The following ZNF250 variants were observed in gnomAD, a reference collection of about 807,000 sequenced individuals.
The protein encoded by ZNF250 is zinc finger protein (clone 647).
A neutral mutation model predicts 37.1 loss-of-function variants in ZNF250; 13 were observed. The ratio of observed to expected loss-of-function variants is 0.35; its 90% CI spans 0.23 to 0.56. The LOEUF is 0.56. Ranked by LOEUF, ZNF250 falls within the 20% of genes least tolerant of loss-of-function variation. The probability of loss-of-function intolerance (pLI) is 0.87; values close to 1 mark genes in which losing one functional copy is unlikely to be tolerated. For synonymous variants in ZNF250, 251 were observed against 265.6 expected (o/e 0.94, Z 0.54); for missense variants, 474 against 697.9 (o/e 0.68, Z 3.61).
chr8:144,886,353 C>T (rs1429582423), intron 5 of ZNF250, among the ~76,000 whole-genome samples: 1 of 152,042 alleles, frequency 6.6e-6, no homozygotes, highest in Non-Finnish European at 1.5e-5. Context: ...ACACACTAAA[C>T]TAACTGCATA....
At chr8:144,888,906 C>T (rs527627933) in intron 4 of ZNF250, among the ~76,000 whole-genome samples, 1 of 152,174 alleles carries the variant, frequency 6.6e-6, no homozygotes, top group East Asian at 2.0e-4. Context: ...GTAGCTGGGA[C>T]TACAGGTGCA....
At chr8:144,893,618 A>G (rs973405296) in intron 1 of ZNF250, among the ~76,000 whole-genome samples, 1 of 152,160 alleles carries the variant, frequency 6.6e-6, no homozygotes, top group Non-Finnish European at 1.5e-5. Flanking sequence ...GGCTTGAGTC[A>G]CTGCGCCTAG....
intron 1 of ZNF250, among the ~76,000 whole-genome samples, chr8:144,892,681 A>G (rs1832428179): frequency 6.6e-6 from 1 of 152,008 alleles, no homozygotes; most frequent in African/African-American, 2.4e-5. Flanking sequence ...CAGCCTCCCA[A>G]GTAGCTGGGA....
At position 144,876,969 on chromosome 8, in the gene ZNF250, T is replaced by A. The variant is rs1253011486; in HGVS notation, c.*4546A>T. 6 of 152,256 alleles carry A rather than the reference T, an allele frequency of 3.9e-5. No homozygotes were observed. The highest frequency in any genetic ancestry group is 1.3e-4 in the Admixed American group (2 of 15,282). The allele number at this position is 152,256 out of a possible 1,614,324, so 9.4% of individuals were successfully genotyped here. ...GCAAATACTTGTTCCAGTCATTACT[T>A]TTTTATTGGAAAGCGTCAGATTATA... On this transcript the variant is annotated 3_prime_UTR_variant, in exon 6 of 6. Coordinates refer to ENST00000417550, the MANE Select transcript of ZNF250 (RefSeq NM_001109689.4).
intron 3 of ZNF250, 64 bp from the exon 4 acceptor site, chr8:144,889,758 G>A (rs1041058644): frequency 1.5e-5 from 23 of 1,531,764 alleles, no homozygotes; most frequent in Non-Finnish European, 1.9e-5. Context: ...CCCTGCCCAA[G>A]CCACTTGTGG....
chr8:144,884,301 G>A (rs980908131), intron 5 of ZNF250, among the ~76,000 whole-genome samples: 1 of 152,176 alleles, frequency 6.6e-6, no homozygotes, highest in Non-Finnish European at 1.5e-5. Context: ...GCCCAGGCTG[G>A]AGTGCAATGG....
In ZNF250 at chr8:144,877,886, T is replaced by C. The variant is rs547203018; in HGVS notation, c.*3629A>G. The stretch of plus-strand genomic sequence containing the variant: ...ATACACAGTCTTTCTAAACAAATGT[T>C]CCTGTATATTGAATTTAATTATTCT... On this transcript the variant is annotated 3_prime_UTR_variant, in exon 6 of 6. Coordinates refer to ENST00000417550, the MANE Select transcript of ZNF250 (RefSeq NM_001109689.4). 1 of 152,350 alleles carries C rather than the reference T, an allele frequency of 6.6e-6. No homozygotes were observed. The highest frequency in any genetic ancestry group is 6.5e-5 in the Admixed American group (1 of 15,296). 9.4% of individuals were successfully genotyped at this position (152,350 alleles called of 1,614,324 possible).
intron 4 of ZNF250, among the ~76,000 whole-genome samples, chr8:144,889,015 G>A (rs571287600): frequency 3.9e-5 from 6 of 152,228 alleles, no homozygotes; most frequent in South Asian, 2.1e-4. Context: ...TGATCCACCC[G>A]CCTCAGTCTC....
intron 1 of ZNF250, among the ~76,000 whole-genome samples, chr8:144,896,308 C>T (rs1215775820): frequency 6.6e-6 from 1 of 151,830 alleles, no homozygotes; most frequent in East Asian, 1.9e-4. Context: ...AACTGCACCA[C>T]TACACTCCAC....
In ZNF250 at chr8:144,879,138, TTAACAC is replaced by T. The variant is rs1376415328; in HGVS notation, c.*2371_*2376del. 1 of 152,232 alleles carries T rather than the reference TTAACAC, an allele frequency of 6.6e-6. No homozygotes were observed. Among genetic ancestry groups the T allele is most frequent in the Non-Finnish European group, 1.5e-5 (1 of 68,054 alleles). 9.4% of individuals were successfully genotyped at this position (152,232 alleles called of 1,614,324 possible). On this transcript the variant is annotated 3_prime_UTR_variant, in exon 6 of 6. Transcript: ENST00000417550. Reference sequence around the variant, plus strand: ...TCACAGAATGGCAACACCTCTAAGGTTAACACCTTGGTTATCTGAGCTATCTGAGGT... The same window carrying T: ...TCACAGAATGGCAACACCTCTAAGGTCTTGGTTATCTGAGCTATCTGAGGT...
chr8:144,881,423 T>C lies in ZNF250; in HGVS notation c.*92A>G. 6.8e-7 allele frequency: 1 copy of C among 1,462,672 alleles called. No homozygotes were observed. The highest frequency in any genetic ancestry group is 9.1e-7 in the Non-Finnish European group (1 of 1,104,622). 90.6% of individuals were successfully genotyped at this position (1,462,672 alleles called of 1,614,324 possible). Reference sequence around the variant, plus strand: ...ACTGAATCGCCAAAGAAAAGCTTCCTATAGAGTTAACAGAGACTTCTCTTG... The same window carrying C: ...ACTGAATCGCCAAAGAAAAGCTTCCCATAGAGTTAACAGAGACTTCTCTTG... On this transcript the variant is annotated 3_prime_UTR_variant, in exon 6 of 6. Coordinates refer to ENST00000417550, the MANE Select transcript of ZNF250 (RefSeq NM_001109689.4).
Position 144,890,277 on chromosome 8 carries a change from G to C in ZNF250, c.42+31C>G. The C allele has an allele frequency of 6.4e-7, 1 of 1,551,850 alleles. No homozygotes were observed. The highest frequency in any genetic ancestry group is 8.7e-7 in the Non-Finnish European group (1 of 1,143,342). ...GAAGGAACCACAGGGCTCGGGCTGG[G>C]GGCACTGCATAAGCACTGGGGACAG... is the stretch of plus-strand genomic sequence containing the variant. On this transcript the variant is annotated intron_variant, in intron 2 of 5. Coordinates refer to ENST00000417550, the MANE Select transcript of ZNF250 (RefSeq NM_001109689.4). This position sits in a 1 kb window ranked among gnomAD's most constrained non-coding sequence, Gnocchi z 5.1.
intron 1 of ZNF250, among the ~76,000 whole-genome samples, chr8:144,899,998 C>G (rs1447908316): frequency 6.6e-6 from 1 of 152,098 alleles, no homozygotes; most frequent in Non-Finnish European, 1.5e-5. Flanking sequence ...TGAAAAAGCC[C>G]AAACCAGAAT....
At chr8:144,889,460 G>T in intron 4 of ZNF250, 121 bp downstream of exon 4, 1 of 718,602 alleles carries the variant, frequency 1.4e-6, no homozygotes, top group Non-Finnish European at 2.3e-6. Flanking sequence ...GATAAGGCCA[G>T]ATAAGGTTTT....
At position 144,882,517 on chromosome 8, in the gene ZNF250, A is replaced by G; in HGVS notation, c.666T>C (p.Tyr222=). 1 of 1,614,134 alleles carries G rather than the reference A, an allele frequency of 6.2e-7. No individual in the cohort carries two copies. Among genetic ancestry groups the G allele is most frequent in the Non-Finnish European group, 8.5e-7 (1 of 1,180,014 alleles). Reference sequence around the variant, plus strand: ...AGGCCTTCCCACATACACTGCACACATAGGGCTTCTCTCCAGTGTGGATAC... The same window carrying G: ...AGGCCTTCCCACATACACTGCACACGTAGGGCTTCTCTCCAGTGTGGATAC... ...HQRIHTGEKP[Y]VCSVCGKAFS... Residue 222 remains tyrosine, a synonymous_variant, in exon 6 of 6, where the codon TAT becomes TAC. Transcript: ENST00000417550. This position sits in a 1 kb window ranked among gnomAD's most constrained non-coding sequence, Gnocchi z 5.5.
chr8:144,900,687 G>A (rs575071500), intron 1 of ZNF250, among the ~76,000 whole-genome samples: 46 of 152,252 alleles, frequency 3.0e-4, no homozygotes, highest in African/African-American at 1.0e-3. Context: ...AGCAAAATGG[G>A]GAGAGGATAA....
At position 144,889,652 on chromosome 8, in the gene ZNF250, C is replaced by T. The variant is rs746196076; in HGVS notation, c.212G>A (p.Arg71Gln). The T allele has an allele frequency of 2.0e-5, 32 of 1,613,878 alleles. No homozygotes were observed. Among genetic ancestry groups the T allele is most frequent in the South Asian group, 1.1e-5 (1 of 91,092 alleles). The stretch of plus-strand genomic sequence containing the variant: ...GTCCAGGACCCAGGGATCTTCCCCT[C>T]GCTCCAGCTGGGAGATTATGTCAGG... ...SKPDIISQLE[R>Q]GEDPWVLDRK... Residue 71 changes from arginine to glutamine, a missense_variant, in exon 4 of 6, where the codon CGA becomes CAA. This residue lies in a region of ZNF250 where 192 missense variants were observed against 227.5 expected (regional missense o/e 0.84). Coordinates refer to ENST00000417550, the MANE Select transcript of ZNF250 (RefSeq NM_001109689.4).
upstream of ZNF250, chr8:144,901,693 C>T (rs1296607831): frequency 6.6e-6 from 1 of 152,250 alleles, no homozygotes; most frequent in African/African-American, 2.4e-5. The surrounding 1 kb of genome is among the most constrained non-coding windows in gnomAD (Gnocchi z 5.4). Flanking sequence ...TGGGCCCGGC[C>T]GGCTCCCCGG....
intron 5 of ZNF250, 40 bp downstream of exon 5, chr8:144,886,800 A>C: frequency 6.3e-7 from 1 of 1,582,148 alleles, no homozygotes; most frequent in Non-Finnish European, 8.7e-7. Flanking sequence ...TAACACCTTC[A>C]GAGATTGTAC....
Sources: allele counts gnomAD v4.1 joint callset (sites outside exome capture counted in the v4.1 genomes callset), GRCh38; gene constraint gnomAD v4.1.1; regional missense constraint gnomAD v4.1.1; non-coding constraint Gnocchi (gnomAD v3.1); transcripts MANE v1.5; gene names NCBI Gene and HGNC (gene_info 2026-07-23, HGNC 2026-07-21).